Variants in AGER observed in about 807,000 individuals in gnomAD.
AGER encodes advanced glycation end product-specific receptor.
Under a neutral mutation model 48.8 loss-of-function variants are expected in AGER, and 46 were observed. The ratio of observed to expected loss-of-function variants is 0.94; its 90% CI spans 0.74 to 1.20. AGER has a LOEUF of 1.20. Ranked by LOEUF, AGER falls within the 50% of genes most tolerant of loss-of-function variation. The pLI is 0.00. For missense variants in AGER, 489 were observed against 515.0 expected (o/e 0.95, Z 0.49); for synonymous variants, 170 against 199.9 (o/e 0.85, Z 1.26).
Position 32,181,603 on chromosome 6 carries a change from C to G in AGER, c.991+3G>C. On this transcript the variant is annotated splice_donor_region_variant and intron_variant, in intron 9 of 10. Transcript: ENST00000375076. The surrounding 1 kb of genome is among the most constrained non-coding windows in gnomAD (Gnocchi z 4.1). ...GCTTCCCTGACTTTATCAAACCCCT[C>G]ACCTGCAGTTGGCCCCTCCTCGCCT... The G allele has an allele frequency of 6.2e-7, 1 of 1,613,168 alleles. No individual in the cohort carries two copies.
At position 32,182,653 on chromosome 6, in the gene AGER, C is replaced by A; in HGVS notation, c.737G>T (p.Gly246Val). The A allele has an allele frequency of 6.2e-7, 1 of 1,613,042 alleles. No individual in the cohort carries two copies. The highest frequency in any genetic ancestry group is 8.5e-7 in the Non-Finnish European group (1 of 1,179,984). ...EEVQLVVEPEGGAVAPGGTVT... is the reference protein window; with the variant it reads ...EEVQLVVEPEVGAVAPGGTVT... ...GGTTCCACCAGGAGCTACTGCTCCA[C>A]CTTCTGGCTCCACCACCAATTGGAC... is the stretch of plus-strand genomic sequence containing the variant. The change falls in exon 7 of 11, where the codon GGT becomes GTT. Residue 246 changes from glycine (G) to valine (V), a missense_variant. Physicochemically the swap from Gly to Val is moderately radical, Grantham distance 109. Coordinates refer to ENST00000375076, the MANE Select transcript of AGER (RefSeq NM_001136.5). The surrounding 1 kb of genome is among the most constrained non-coding windows in gnomAD (Gnocchi z 5.1).
Position 32,182,968 on chromosome 6 carries a change from C to T in AGER, c.564G>A (p.Leu188=). 1 of 1,612,872 alleles carries T rather than the reference C, an allele frequency of 6.2e-7. No individual in the cohort carries two copies. The highest frequency in any genetic ancestry group is 2.2e-5 in the East Asian group (1 of 44,884). ...CTGGGGTCACCATTAGCTCCGACTG[C>T]AGTGTGAAGAGCCCTGTCTCAGGGT... ...RRHPETGLFT[L]QSELMVTPAR... The change falls in exon 6 of 11, where the codon CTG becomes CTA. Residue 188 remains leucine, a synonymous_variant. Transcript: ENST00000375076. The surrounding 1 kb of genome is among the most constrained non-coding windows in gnomAD (Gnocchi z 5.1).
chr6:32,182,623 G>GT lies in AGER; in HGVS notation c.766dup (p.Thr256AsnfsTer5), dbSNP rs1261274793. The GT allele has an allele frequency of 6.2e-7, 1 of 1,612,926 alleles. No homozygotes were observed. Among genetic ancestry groups the GT allele is most frequent in the Admixed American group, 1.7e-5 (1 of 59,998 alleles). ...CTGGGCAGGGACTTCACAGGTCAGG[G>GT]TTACGGTTCCACCAGGAGCTACTGC... On this transcript the variant is annotated frameshift_variant, in exon 7 of 11. Transcript: ENST00000375076. LOFTEE classifies it high-confidence loss of function. The surrounding 1 kb of genome is among the most constrained non-coding windows in gnomAD (Gnocchi z 5.1).
Position 32,181,112 on chromosome 6 carries a change from A to C in AGER, c.*31T>G. 1 of 1,606,600 alleles carries C rather than the reference A, an allele frequency of 6.2e-7. No homozygotes were observed. Among genetic ancestry groups the C allele is most frequent in the East Asian group, 2.2e-5 (1 of 44,834 alleles). ...ACAGTTCAAGGGAAAAAGAAAAGGG[A>C]GCTGATGGATGGGATCTGTCTGTGG... On this transcript the variant is annotated 3_prime_UTR_variant, in exon 11 of 11. Transcript: ENST00000375076. The surrounding 1 kb of genome is among the most constrained non-coding windows in gnomAD (Gnocchi z 4.1).
At position 32,181,165 on chromosome 6, in the gene AGER, TC is replaced by T; in HGVS notation, c.1192del (p.Glu398ArgfsTer42). On this transcript the variant is annotated frameshift_variant, in exon 11 of 11. Transcript: ENST00000375076. LOFTEE classifies it high-confidence loss of function. This position sits in a 1 kb window ranked among gnomAD's most constrained non-coding sequence, Gnocchi z 4.1. ...LNQSEEPEAGESSTGGP is the reference protein window; with the variant it reads ...LNQSEEPEAGXSSTGGP ...CCCTCAAGGCCCTCCAGTACTACTC[TC>T]GCCTGCCTCAGGTTCCTCCGACTGA... 5 of 1,614,196 alleles carry T rather than the reference TC, an allele frequency of 3.1e-6. No individual in the cohort carries two copies. Among genetic ancestry groups the T allele is most frequent in the Non-Finnish European group, 4.2e-6 (5 of 1,180,028 alleles).
In AGER at chr6:32,183,932, C is replaced by T. The variant is rs1446355296; in HGVS notation, c.108G>A (p.Leu36=). Residue 36 remains leucine (L), a synonymous_variant, in exon 2 of 11, where the codon CTG becomes CTA. Coordinates refer to ENST00000375076, the MANE Select transcript of AGER (RefSeq NM_001136.5). The part of the protein sequence containing the change: ...ITARIGEPLV[L]KCKGAPKKPP... ...GTTTCTTGGGGGCCCCCTTACACTT[C>T]AGCACCAGTGGCTCGCCAATCCGGG... 12 of 1,613,076 alleles carry T rather than the reference C, an allele frequency of 7.4e-6. No individual in the cohort carries two copies. The highest frequency in any genetic ancestry group is 2.2e-5 in the East Asian group (1 of 44,888).
At chr6:32,183,293 G>A (rs747447748) in intron 4 of AGER, 31 bp downstream of exon 4, 8 of 1,613,040 alleles carry the variant, frequency 5.0e-6, no homozygotes, top group African/African-American at 2.7e-5. Flanking sequence ...TCACAGGGCC[G>A]TTTTCTACTT....
chr6:32,182,578 C>G lies in AGER; in HGVS notation c.812G>C (p.Trp271Ser), dbSNP rs1265018001. ...VPAQPSPQIH[W>S]MKDGVPLPLP... Reference sequence around the variant, plus strand: ...CTCCAGGTCACTCACATCCTTCATCCAGTGGATTTGAGGAGAGGGCTGGGC... The same window carrying G: ...CTCCAGGTCACTCACATCCTTCATCGAGTGGATTTGAGGAGAGGGCTGGGC... Residue 271 changes from tryptophan (W) to serine (S), a missense_variant, in exon 7 of 11, where the codon TGG becomes TCG. By Grantham distance (177) the Trp-to-Ser change is radical. Transcript: ENST00000375076. This position sits in a 1 kb window ranked among gnomAD's most constrained non-coding sequence, Gnocchi z 5.1. 1 of 1,613,088 alleles carries G rather than the reference C, an allele frequency of 6.2e-7. No homozygotes were observed. The highest frequency in any genetic ancestry group is 1.3e-5 in the African/African-American group (1 of 75,046).
At position 32,182,706 on chromosome 6, in the gene AGER, T is replaced by G. The variant is rs1193042964; in HGVS notation, c.692-8A>C. The G allele has an allele frequency of 6.2e-7, 1 of 1,612,644 alleles. No individual in the cohort carries two copies. The highest frequency in any genetic ancestry group is 1.7e-5 in the Admixed American group (1 of 59,968). ...CCTCCAGAGGCACAGGCTCTGGGAG[T>G]TGGAAGGGTTTTGAGGTGGAGAGTT... is the stretch of plus-strand genomic sequence containing the variant. On this transcript the variant is annotated splice_region_variant and splice_polypyrimidine_tract_variant and intron_variant, in intron 6 of 10. Transcript: ENST00000375076. This position sits in a 1 kb window ranked among gnomAD's most constrained non-coding sequence, Gnocchi z 5.1.
In AGER at chr6:32,181,663, G is replaced by A. The variant is rs1412521886; in HGVS notation, c.965-31C>T. 1.9e-6 allele frequency: 3 copies of A among 1,610,314 alleles called. No individual in the cohort carries two copies. The highest frequency in any genetic ancestry group is 2.5e-6 in the Non-Finnish European group (3 of 1,177,956). On this transcript the variant is annotated intron_variant, in intron 8 of 10. Coordinates refer to ENST00000375076, the MANE Select transcript of AGER (RefSeq NM_001136.5). This position sits in a 1 kb window ranked among gnomAD's most constrained non-coding sequence, Gnocchi z 4.1. ...AGACAAAGTTGGATCCAGTCAGAAA[G>A]GAAGACTTCGGGTTGAGAGAGGGTT...
Position 32,181,128 on chromosome 6 carries a change from C to G in AGER, c.*15G>C. The G allele has an allele frequency of 6.2e-7, 1 of 1,613,320 alleles. No homozygotes were observed. The highest frequency in any genetic ancestry group is 8.5e-7 in the Non-Finnish European group (1 of 1,179,276). On this transcript the variant is annotated 3_prime_UTR_variant, in exon 11 of 11. Coordinates refer to ENST00000375076, the MANE Select transcript of AGER (RefSeq NM_001136.5). This position sits in a 1 kb window ranked among gnomAD's most constrained non-coding sequence, Gnocchi z 4.1. ...AGAAAAGGGAGCTGATGGATGGGAT[C>G]TGTCTGTGGGCCCCTCAAGGCCCTC...
Position 32,181,442 on chromosome 6 carries a change from G to A in AGER, c.1027C>T (p.Leu343=), listed in dbSNP as rs143357175. The A allele has an allele frequency of 1.2e-3, 1,939 of 1,613,364 alleles. 14 individuals carry two copies. The highest frequency in any genetic ancestry group is 9.1e-3 in the Middle Eastern group (55 of 6,056). ...VGGSGLGTLA[L]ALGILGGLGT... ...AGGCCTCCCAGGATCCCCAGGGCCA[G>A]GGCTAGAGTTCCCAGCCCTGATCCT... Residue 343 remains leucine, a synonymous_variant, in exon 10 of 11, where the codon CTG becomes TTG. Transcript: ENST00000375076. This position sits in a 1 kb window ranked among gnomAD's most constrained non-coding sequence, Gnocchi z 4.1.
chr6:32,182,495 G>T lies in AGER; in HGVS notation c.822+73C>A, dbSNP rs770666915. The T allele has an allele frequency of 6.9e-6, 11 of 1,595,390 alleles. No homozygotes were observed. In the African/African-American group the frequency reaches 9.4e-5, roughly 14 times the overall value. On this transcript the variant is annotated intron_variant, in intron 7 of 10. Transcript: ENST00000375076. The surrounding 1 kb of genome is among the most constrained non-coding windows in gnomAD (Gnocchi z 5.1). ...TCAGCTCCTAGCCTGCCTTTCCCTC[G>T]TTAGCCCTCTGCCCTCCCTGTTGCT...
Position 32,181,722 on chromosome 6 carries a change from TC to T in AGER, c.965-91del. On this transcript the variant is annotated intron_variant, in intron 8 of 10. Coordinates refer to ENST00000375076, the MANE Select transcript of AGER (RefSeq NM_001136.5). The surrounding 1 kb of genome is among the most constrained non-coding windows in gnomAD (Gnocchi z 4.1). ...GGAGCCCCAGTGGAGTCTTTCCCTT[TC>T]TTTTTTTTTTTGAGATGGAGTTTCA... The T allele has an allele frequency of 1.5e-6, 2 of 1,351,590 alleles. No homozygotes were observed. Among genetic ancestry groups the T allele is most frequent in the Non-Finnish European group, 1.0e-6 (1 of 977,484 alleles). 83.7% of individuals were successfully genotyped at this position (1,351,590 alleles called of 1,614,324 possible). A position where few individuals can be genotyped will look rare whatever the true frequency, so the allele number is the denominator to read the frequency against.
At position 32,181,905 on chromosome 6, in the gene AGER, G is replaced by C. The variant is rs1404860880; in HGVS notation, c.965-273C>G. ...TGTGCCACCATGCCTGGCTAATTTT[G>C]TATTTTTAGTAGAAATGGGGTTTCT... On this transcript the variant is annotated intron_variant, in intron 8 of 10. Coordinates refer to ENST00000375076, the MANE Select transcript of AGER (RefSeq NM_001136.5). The surrounding 1 kb of genome is among the most constrained non-coding windows in gnomAD (Gnocchi z 4.1). 5.0e-6 allele frequency: 3 copies of C among 598,912 alleles called. No individual in the cohort carries two copies. The African/African-American group carries it at 5.6e-5, about 11-fold the overall frequency. The allele number at this position is 598,912 out of a possible 1,614,324, so 37.1% of individuals were successfully genotyped here.
In AGER at chr6:32,183,120, C is replaced by T; in HGVS notation, c.502G>A (p.Glu168Lys). Residue 168 changes from glutamate (E) to lysine (K), a missense_variant, in exon 5 of 11, where the codon GAG (glutamate) becomes AAG (lysine). Coordinates refer to ENST00000375076, the MANE Select transcript of AGER (RefSeq NM_001136.5). ...HLDGKPLVPN[E>K]KGVSVKEQTR... ...GGGGCACCTTAGGACTCACCCTTCT[C>T]ATTAGGCACCAGGGGCTTCCCATCC... The T allele has an allele frequency of 1.9e-6, 3 of 1,613,070 alleles. No homozygotes were observed. Among genetic ancestry groups the T allele is most frequent in the Middle Eastern group, 1.6e-4 (1 of 6,062 alleles).
Position 32,184,167 on chromosome 6 carries a change from T to C in AGER, c.52+4A>G, listed in dbSNP as rs757348166. The C allele has an allele frequency of 2.5e-6, 4 of 1,611,028 alleles. No homozygotes were observed. In the South Asian group the frequency reaches 4.4e-5, roughly 18 times the overall value. ...GGGTCAGTGGGGTTGAGGGAGTGGC[T>C]CACCCCACAGACTGAGGACCAGCAC... On this transcript the variant is annotated splice_donor_region_variant and intron_variant, in intron 1 of 10. Coordinates refer to ENST00000375076, the MANE Select transcript of AGER (RefSeq NM_001136.5).
chr6:32,182,952 C>A lies in AGER; in HGVS notation c.580G>T (p.Val194Leu). 3 of 1,612,732 alleles carry A rather than the reference C, an allele frequency of 1.9e-6. No individual in the cohort carries two copies. The highest frequency in any genetic ancestry group is 2.5e-6 in the Non-Finnish European group (3 of 1,179,894). The change falls in exon 6 of 11, where the codon GTG becomes TTG. Residue 194 changes from valine to leucine, a missense_variant. Transcript: ENST00000375076. This position sits in a 1 kb window ranked among gnomAD's most constrained non-coding sequence, Gnocchi z 5.1. ...GLFTLQSELM[V>L]TPARGGDPRP... is the part of the protein sequence containing the mutation. ...GGATCTCCTCCCCGGGCTGGGGTCA[C>A]CATTAGCTCCGACTGCAGTGTGAAG...
chr6:32,181,334 T>C lies in AGER; in HGVS notation c.1118+17A>G, dbSNP rs200581867. 30 of 1,613,370 alleles carry C rather than the reference T, an allele frequency of 1.9e-5. No homozygotes were observed. Among genetic ancestry groups the C allele is most frequent in the Middle Eastern group, 1.6e-4 (1 of 6,080 alleles). ...CTGGAAGCCCTAGGTCTGAGGGGTCTGGCTTTCTCCACTCACCTCTCCTCT... is the reference window on the plus strand; with the variant it reads ...CTGGAAGCCCTAGGTCTGAGGGGTCCGGCTTTCTCCACTCACCTCTCCTCT... On this transcript the variant is annotated intron_variant, in intron 10 of 10. Transcript: ENST00000375076. The surrounding 1 kb of genome is among the most constrained non-coding windows in gnomAD (Gnocchi z 4.1).
Sources: gnomAD v4.1 joint callset for allele counts on GRCh38, gnomAD v4.1.1 for gene constraint, Gnocchi (gnomAD v3.1) non-coding constraint, MANE v1.5 for transcripts, NCBI Gene and HGNC (gene_info 2026-07-23, HGNC 2026-07-21) for gene names.